PID1: variants seen among roughly 807,000 people sequenced by gnomAD.
PID1 encodes phosphotyrosine interaction domain containing 1.
A neutral mutation model predicts 19.1 loss-of-function variants in PID1; 10 were observed. The ratio of observed to expected loss-of-function variants is 0.52; its 90% CI spans 0.32 to 0.89. The LOEUF (loss-of-function observed/expected upper bound fraction) is 0.89, where lower values mean the gene tolerates loss of function less well. PID1 is among the 40% of genes least tolerant of loss of function. The pLI, the probability that PID1 is intolerant of heterozygous loss-of-function variation, is 0.03. For synonymous variants in PID1, 130 were observed against 116.0 expected (o/e 1.12, Z -0.78); for missense variants, 248 against 285.3 (o/e 0.87, Z 0.94).
chr2:229,094,432 A>G (rs985119618), intron 2 of PID1, among the ~76,000 whole-genome samples: 2 of 152,154 alleles, frequency 1.3e-5, no homozygotes, highest in Admixed American at 6.5e-5. Context: ...CAGAATTAGG[A>G]AAAAAATCCT....
intron 1 of PID1, among the ~76,000 whole-genome samples, chr2:229,223,954 C>T (rs1322763003): frequency 6.6e-6 from 1 of 152,150 alleles, no homozygotes; most frequent in Non-Finnish European, 1.5e-5. Context: ...CTTTTGAAGA[C>T]CCCAGTCTCT....
intron 1 of PID1, among the ~76,000 whole-genome samples, chr2:229,198,907 A>C (rs542266216): frequency 2.6e-5 from 4 of 152,018 alleles, no homozygotes; most frequent in Admixed American, 1.3e-4. Context: ...TTCTTTCTGA[A>C]AGATCAGATT....
intron 2 of PID1, among the ~76,000 whole-genome samples, chr2:229,033,443 C>T (rs1693597153): frequency 6.6e-6 from 1 of 152,056 alleles, no homozygotes; most frequent in Admixed American, 6.6e-5. Flanking sequence ...GAAAACCAAA[C>T]ACTGCATGCT....
intron 1 of PID1, among the ~76,000 whole-genome samples, chr2:229,160,776 AAAG>A (rs2106200272): frequency 6.6e-6 from 1 of 152,310 alleles, no homozygotes; most frequent in Non-Finnish European, 1.5e-5. Context: ...CCCACTGTCA[AAAG>A]ATGATGGTTA....
At chr2:229,037,404 T>A (rs1693686383) in intron 2 of PID1, among the ~76,000 whole-genome samples, 1 of 152,114 alleles carries the variant, frequency 6.6e-6, no homozygotes, top group African/African-American at 2.4e-5. Context: ...GGTAGTAAAG[T>A]GACAGATTTA....
intron 2 of PID1, among the ~76,000 whole-genome samples, chr2:229,145,477 GATAA>G (rs1387973144): frequency 6.6e-6 from 1 of 151,696 alleles, no homozygotes; most frequent in African/African-American, 2.4e-5. Flanking sequence ...CTTTTTTCTA[GATAA>G]ATAAACCATA....
chr2:229,053,013 T>G (rs756424976), intron 2 of PID1, among the ~76,000 whole-genome samples: 29 of 152,192 alleles, frequency 1.9e-4, no homozygotes, highest in Non-Finnish European at 3.8e-4. Flanking sequence ...TAAATAATTT[T>G]GTGAGATTTT....
chr2:229,040,075 T>G (rs1693738536), intron 2 of PID1, among the ~76,000 whole-genome samples: 1 of 148,742 alleles, frequency 6.7e-6, no homozygotes. Context: ...TGAGAAAGAG[T>G]ATATGTACTT....
At chr2:229,128,507 C>T (rs1279977813) in intron 2 of PID1, among the ~76,000 whole-genome samples, 1 of 151,918 alleles carries the variant, frequency 6.6e-6, no homozygotes, top group Non-Finnish European at 1.5e-5. Flanking sequence ...CTGTTCAAAG[C>T]CAAAGGTTTT....
chr2:229,069,785 G>A (rs892214643), intron 2 of PID1, among the ~76,000 whole-genome samples: 3 of 152,154 alleles, frequency 2.0e-5, no homozygotes, highest in African/African-American at 7.2e-5. Context: ...GAAGTGCTAA[G>A]CACTAAGATA....
chr2:229,156,703 T>C (rs1227454846), intron 1 of PID1, among the ~76,000 whole-genome samples: 1 of 152,018 alleles, frequency 6.6e-6, no homozygotes, highest in African/African-American at 2.4e-5. Context: ...GAGAGATCCT[T>C]CTAAAATCTA....
intron 2 of PID1, among the ~76,000 whole-genome samples, chr2:229,079,237 TA>T (rs1694623571): frequency 6.6e-6 from 1 of 152,218 alleles, no homozygotes; most frequent in Non-Finnish European, 1.5e-5. Context: ...ATTTTAACTC[TA>T]AAAAAGCCTC....
intron 1 of PID1, among the ~76,000 whole-genome samples, chr2:229,170,908 T>C (rs1690699462): frequency 6.6e-6 from 1 of 152,208 alleles, no homozygotes; most frequent in South Asian, 2.1e-4. Context: ...GTAAACATAC[T>C]TTCAAAAGAA....
intron 1 of PID1, among the ~76,000 whole-genome samples, chr2:229,181,848 T>C (rs760610356): frequency 2.0e-5 from 3 of 152,222 alleles, no homozygotes; most frequent in Non-Finnish European, 4.4e-5. Context: ...AATAACCCTC[T>C]GAATTGCCTC....
At chr2:229,084,578 A>G (rs1694728813) in intron 2 of PID1, among the ~76,000 whole-genome samples, 1 of 152,158 alleles carries the variant, frequency 6.6e-6, no homozygotes, top group Non-Finnish European at 1.5e-5. Flanking sequence ...CTATGCTTCA[A>G]ATATAATTAT....
intron 1 of PID1, among the ~76,000 whole-genome samples, chr2:229,180,680 T>G (rs1029159900): frequency 6.6e-5 from 10 of 152,180 alleles, no homozygotes; most frequent in African/African-American, 2.4e-4. Context: ...ACTCTGAGAT[T>G]ACATCTGAGC....
At chr2:229,104,727 C>T (rs1695139884) in intron 2 of PID1, among the ~76,000 whole-genome samples, 1 of 152,194 alleles carries the variant, frequency 6.6e-6, no homozygotes, top group Non-Finnish European at 1.5e-5. Flanking sequence ...TCTATCGCTT[C>T]TGAACTTCTG....
chr2:229,206,547 A>G (rs772039871), intron 1 of PID1, among the ~76,000 whole-genome samples: 21 of 152,224 alleles, frequency 1.4e-4, no homozygotes, highest in African/African-American at 4.8e-5. Context: ...GCACCCATAC[A>G]TAAGAAGGAT....
At chr2:229,210,524 T>C (rs1691706594) in intron 1 of PID1, among the ~76,000 whole-genome samples, 1 of 10,164 alleles carries the variant, frequency 9.8e-5, no homozygotes, top group Admixed American at 1.4e-3. Flanking sequence ...GAGTTTTGTC[T>C]CAAAAAAAAA....
Sources: gnomAD v4.1 joint callset for allele counts (sites outside exome capture counted in the v4.1 genomes callset) on GRCh38, gnomAD v4.1.1 for gene constraint, MANE v1.5 for transcripts, NCBI Gene and HGNC (gene_info 2026-07-23, HGNC 2026-07-21) for gene names.